Variants in NUP37 observed in about 807,000 individuals in gnomAD.
NUP37 encodes nucleoporin 37.
A neutral mutation model predicts 45.4 loss-of-function variants in NUP37; 33 were observed. That is an observed-to-expected ratio of 0.73 (90% CI 0.55 to 0.97). The LOEUF (loss-of-function observed/expected upper bound fraction) is 0.97, where lower values mean the gene tolerates loss of function less well. Among genes scored for constraint, NUP37 ranks in the 50% least tolerant of loss-of-function variants. The probability of loss-of-function intolerance (pLI) is 0.00; values close to 1 mark genes in which losing one functional copy is unlikely to be tolerated. For synonymous variants in NUP37, 127 were observed against 130.7 expected (o/e 0.97, Z 0.19); for missense variants, 365 against 389.7 (o/e 0.94, Z 0.53).
Position 102,119,871 on chromosome 12 carries a change from A to C in NUP37, c.-66+179T>G, listed in dbSNP as rs1451986561. Among the ~76,000 whole-genome samples, 8 of 152,168 alleles carry C rather than the reference A, an allele frequency of 5.3e-5. No homozygotes were observed. The South Asian group carries it at 8.3e-4, about 16-fold the overall frequency. On this transcript the variant is annotated intron_variant, in intron 1 of 9. Coordinates refer to ENST00000552283, the MANE Select transcript of NUP37 (RefSeq NM_024057.4). ...ACGGCAGAGAAGAAGGGAGGGAACA[A>C]GATAAGTCTCTGCAATGAGCGCCGA...
intron 3 of NUP37, among the ~76,000 whole-genome samples, chr12:102,105,716 C>T (rs978214670): frequency 6.6e-6 from 1 of 151,826 alleles, no homozygotes; most frequent in Admixed American, 6.6e-5. Flanking sequence ...CAAAAATTAG[C>T]TGGGCATGGT....
intron 6 of NUP37, among the ~76,000 whole-genome samples, chr12:102,081,096 T>A (rs778996186): frequency 2.6e-5 from 4 of 152,130 alleles, no homozygotes; most frequent in Admixed American, 6.5e-5. Context: ...TGTTTCGGGT[T>A]CTTATCACTA....
chr12:102,088,167 T>G (rs1394000385), intron 5 of NUP37, among the ~76,000 whole-genome samples: 1 of 152,232 alleles, frequency 6.6e-6, no homozygotes, highest in Non-Finnish European at 1.5e-5. Flanking sequence ...TTATCCTAAC[T>G]AAATTAGCTA....
chr12:102,076,656 C>T (rs78471714), intron 8 of NUP37, 141 bp downstream of exon 8: 26,963 of 622,418 alleles, frequency 0.043, 2,209 homozygotes, highest in East Asian at 0.3. Flanking sequence ...ATGACTTAGT[C>T]GGGAAAGTAA....
At chr12:102,079,550 G>A (rs989863910) in intron 6 of NUP37, among the ~76,000 whole-genome samples, 8 of 152,252 alleles carry the variant, frequency 5.3e-5, no homozygotes, top group African/African-American at 1.9e-4. Flanking sequence ...TCTTTTTAAA[G>A]ATATCTTACT....
At chr12:102,104,963 G>A (rs1316629138) in intron 3 of NUP37, among the ~76,000 whole-genome samples, 8 of 152,132 alleles carry the variant, frequency 5.3e-5, no homozygotes, top group Non-Finnish European at 8.8e-5. Flanking sequence ...TGGCTTTTCT[G>A]TTTCTGTAAA....
At chr12:102,074,599 C>T in intron 9 of NUP37, 132 bp from the exon 10 acceptor site, 1 of 605,562 alleles carries the variant, frequency 1.7e-6, no homozygotes, top group Non-Finnish European at 2.9e-6. Context: ...AATATGCTCC[C>T]TTACAGGTGA....
chr12:102,082,866 G>GTTA (rs1253255372), intron 6 of NUP37, among the ~76,000 whole-genome samples: 25 of 152,172 alleles, frequency 1.6e-4, no homozygotes, highest in Admixed American at 1.2e-3. Context: ...TTAATGAAGA[G>GTTA]AAGAATGCTA....
chr12:102,076,930 T>G, intron 7 of NUP37, 83 bp from the exon 8 acceptor site: 1 of 955,870 alleles, frequency 1.0e-6, no homozygotes, highest in South Asian at 1.4e-5. Context: ...ATTTTCTCTT[T>G]ATAGGACAGA....
At position 102,099,633 on chromosome 12, in the gene NUP37, C is replaced by T. The variant is rs138136174; in HGVS notation, c.355-433G>A. Among the ~76,000 whole-genome samples, 31 of 152,270 alleles carry T rather than the reference C, an allele frequency of 2.0e-4. No homozygotes were observed. In the East Asian group the frequency reaches 5.8e-3, roughly 28 times the overall value. ...CTGCATACTCACTACTTAACAAACA[C>T]ACACAGGATGGACTTCACCATCTAA... On this transcript the variant is annotated intron_variant, in intron 4 of 9. Coordinates refer to ENST00000552283, the MANE Select transcript of NUP37 (RefSeq NM_024057.4).
At chr12:102,081,223 CTAT>C (rs1258263476) in intron 6 of NUP37, among the ~76,000 whole-genome samples, 1 of 152,152 alleles carries the variant, frequency 6.6e-6, no homozygotes, top group Non-Finnish European at 1.5e-5. Context: ...AAAACATTGG[CTAT>C]TATTATAGGT....
At chr12:102,076,774 C>T in intron 8 of NUP37, 23 bp downstream of exon 8, 1 of 1,608,676 alleles carries the variant, frequency 6.2e-7, no homozygotes, top group Non-Finnish European at 8.5e-7. Flanking sequence ...CAAATCACAG[C>T]TCCAACAAAA....
rs749524333 is a variant in NUP37 at position 102,074,403 on chromosome 12, C to G, written c.932G>C (p.Cys311Ser). The G allele has an allele frequency of 1.2e-6, 2 of 1,613,146 alleles. No homozygotes were observed. The highest frequency in any genetic ancestry group is 2.2e-5 in the South Asian group (2 of 90,982). ...GLSWHRTLPL[C>S]VIGGDHKLLF... Reference sequence around the variant, plus strand: ...CAGCTTGTGGTCTCCTCCAATTACACACAGAGGGAGAGTTCGATGCCAGGA... The same window carrying G: ...CAGCTTGTGGTCTCCTCCAATTACAGACAGAGGGAGAGTTCGATGCCAGGA... The change falls in exon 10 of 10, where the codon TGT (cysteine) becomes TCT (serine). Residue 311 changes from cysteine to serine, a missense_variant. Cys to Ser is a moderately radical substitution (Grantham distance 112, BLOSUM62 -1). Coordinates refer to ENST00000552283, the MANE Select transcript of NUP37 (RefSeq NM_024057.4).
intron 5 of NUP37, among the ~76,000 whole-genome samples, chr12:102,094,374 C>T (rs189039479): frequency 2.6e-5 from 4 of 152,038 alleles, no homozygotes; most frequent in African/African-American, 9.7e-5. Flanking sequence ...GGTTTATGCA[C>T]TCCCAGACGT....
At chr12:102,115,041 A>G (rs928733631) in intron 2 of NUP37, among the ~76,000 whole-genome samples, 1 of 152,254 alleles carries the variant, frequency 6.6e-6, no homozygotes, top group South Asian at 2.1e-4. Context: ...TGAAAGCATT[A>G]TAAGCAACAA....
At chr12:102,084,425 C>T (rs980153959) in intron 6 of NUP37, among the ~76,000 whole-genome samples, 24 of 152,232 alleles carry the variant, frequency 1.6e-4, no homozygotes, top group African/African-American at 4.8e-4. Flanking sequence ...GTGGGCAGAT[C>T]GCTTGAGACA....
intron 3 of NUP37, among the ~76,000 whole-genome samples, chr12:102,108,308 T>A (rs1880215019): frequency 6.6e-6 from 1 of 152,162 alleles, no homozygotes; most frequent in Non-Finnish European, 1.5e-5. Context: ...TCTCCTGTAG[T>A]TGGATGCTTC....
At chr12:102,077,980 T>C (rs79850286) in intron 6 of NUP37, among the ~76,000 whole-genome samples, 17,563 of 152,118 alleles carry the variant, frequency 0.12, 1,105 homozygotes, top group African/African-American at 0.14. Flanking sequence ...GAAGAGGCTA[T>C]GTAAAAATCT....
intron 6 of NUP37, among the ~76,000 whole-genome samples, chr12:102,083,061 G>A (rs768633683): frequency 1.3e-5 from 2 of 152,142 alleles, no homozygotes; most frequent in Non-Finnish European, 2.9e-5. Flanking sequence ...TTAATGATAT[G>A]TAGGAGAAAA....
Sources: allele counts gnomAD v4.1 joint callset (sites outside exome capture counted in the v4.1 genomes callset), GRCh38; gene constraint gnomAD v4.1.1; transcripts MANE v1.5; gene names NCBI Gene and HGNC (gene_info 2026-07-23, HGNC 2026-07-21).